UNC45A: variants seen among roughly 807,000 people sequenced by gnomAD.
UNC45A encodes unc-45 myosin chaperone A, also known as protein unc-45 homolog A.
In UNC45A, 78 loss-of-function variants were observed where a neutral mutation model predicts 103.2. That is an observed-to-expected ratio of 0.76 (90% CI 0.63 to 0.91). UNC45A has a LOEUF of 0.91. Ranked by LOEUF, UNC45A falls within the 40% of genes least tolerant of loss-of-function variation. The pLI, the probability that UNC45A is intolerant of heterozygous loss-of-function variation, is 0.00. For missense variants in UNC45A, 1,193 were observed against 1,224.8 expected, an observed-to-expected ratio of 0.97 and a Z score of 0.39; for synonymous variants, 495 against 504.6, an observed-to-expected ratio of 0.98 and a Z score of 0.25.
At chr15:90,949,574 G>A (rs1334683559) in intron 14 of UNC45A, 80 bp from the exon 15 acceptor site, 37 of 1,601,186 alleles carry the variant, frequency 2.3e-5, no homozygotes, top group Admixed American at 5.0e-5. Context: ...CGTGGCTGCC[G>A]TCTTTGCTGA....
In UNC45A at chr15:90,953,136, T is replaced by G. The variant is rs1277024169; in HGVS notation, c.2422-19T>G. On this transcript the variant is annotated intron_variant, in intron 18 of 19. Coordinates refer to ENST00000418476, the MANE Select transcript of UNC45A (RefSeq NM_018671.5). ...TTTACACCCAACTGACTTGGTCCACTCCTCACATCTGGCCACAGGTGCAGG... is the reference window on the plus strand; with the variant it reads ...TTTACACCCAACTGACTTGGTCCACGCCTCACATCTGGCCACAGGTGCAGG... 1 of 1,612,816 alleles carries G rather than the reference T, an allele frequency of 6.2e-7. No homozygotes were observed. Among genetic ancestry groups the G allele is most frequent in the Non-Finnish European group, 8.5e-7 (1 of 1,179,388 alleles).
chr15:90,939,880 G>GCACCCTTC, intron 5 of UNC45A, 57 bp downstream of exon 5: 3 of 1,536,996 alleles, frequency 2.0e-6, no homozygotes, highest in Admixed American at 1.8e-5. Context: ...CCCATCCATA[G>GCACCCTTC]GCCCCCGAAG....
upstream of UNC45A, chr15:90,932,668 TGA>T: frequency 2.0e-6 from 1 of 492,658 alleles, no homozygotes; most frequent in Non-Finnish European, 3.2e-6. Context: ...CTGCCCCAGA[TGA>T]ATTCCTCTGG....
rs772135452 is a variant in UNC45A, at chr15:90,942,617, C to G, written c.856+12C>G. On this transcript the variant is annotated intron_variant, in intron 7 of 19. Transcript: ENST00000418476. Reference sequence around the variant, plus strand: ...TGCCATCATTGTGGGTGAGTGGAAGCAGGTCTGGGGTCTTTTGGACGTTAC... The same window carrying G: ...TGCCATCATTGTGGGTGAGTGGAAGGAGGTCTGGGGTCTTTTGGACGTTAC... 1.9e-6 allele frequency: 3 copies of G among 1,614,148 alleles called. No homozygotes were observed. The Admixed American group carries it at 5.0e-5, about 27-fold the overall frequency.
intron 13 of UNC45A, 88 bp downstream of exon 13, chr15:90,948,882 T>C (rs1362240331): frequency 1.5e-6 from 2 of 1,379,028 alleles, no homozygotes; most frequent in East Asian, 5.2e-5. Context: ...TCCCTTTTTT[T>C]TTTTTTTTTT....
At position 90,949,458 on chromosome 15, in the gene UNC45A, G is replaced by A. The variant is rs372088305; in HGVS notation, c.2006+15G>A. 1.2e-6 allele frequency: 2 copies of A among 1,613,048 alleles called. No individual in the cohort carries two copies. The highest frequency in any genetic ancestry group is 1.7e-6 in the Non-Finnish European group (2 of 1,179,762). ...CTGCTCTCCAGGTGAGCCAGCCTTG[G>A]TAGGAGCCAACCTTTCCCAACTCCT... On this transcript the variant is annotated intron_variant, in intron 14 of 19. Transcript: ENST00000418476.
At position 90,943,237 on chromosome 15, in the gene UNC45A, G is replaced by C. The variant is rs1036707824; in HGVS notation, c.1027+155G>C. On this transcript the variant is annotated intron_variant, in intron 8 of 19. Transcript: ENST00000418476. ...AAGCCGGGAGTTTGAGATCAGCCTG[G>C]GCAACATAGCGAGACCCTGTCTCTA... is the stretch of plus-strand genomic sequence containing the variant. The C allele has an allele frequency of 1.3e-5, 12 of 957,546 alleles. No individual in the cohort carries two copies. In the African/African-American group the frequency reaches 1.3e-4, roughly 11 times the overall value. The allele number at this position is 957,546 out of a possible 1,614,324, so 59.3% of individuals were successfully genotyped here.
intron 14 of UNC45A, 56 bp from the exon 15 acceptor site, chr15:90,949,598 G>A: frequency 6.2e-7 from 1 of 1,610,744 alleles, no homozygotes; most frequent in African/African-American, 1.3e-5. Flanking sequence ...TAGGAGTGCA[G>A]CGTCTGCCTG....
chr15:90,953,534 G>C lies in UNC45A; in HGVS notation c.2653G>C (p.Val885Leu), dbSNP rs1465199727. Residue 885 changes from valine (V) to leucine (L), a missense_variant, in exon 20 of 20, where the codon GTG (valine) becomes CTG (leucine). Val to Leu is a conservative substitution (Grantham distance 32). Transcript: ENST00000418476. The part of the protein sequence containing the change: ...NQELQHRGAV[V>L]VLNMVEASRE... ...GGAGCTGCAGCACCGGGGTGCTGTG[G>C]TGGTGCTGAACATGGTGGAGGCCTC... 6.2e-7 allele frequency: 1 copy of C among 1,614,148 alleles called. No homozygotes were observed. Among genetic ancestry groups the C allele is most frequent in the Non-Finnish European group, 8.5e-7 (1 of 1,180,042 alleles).
chr15:90,937,004 G>C lies in UNC45A; in HGVS notation c.426+544G>C, dbSNP rs890465074. On this transcript the variant is annotated intron_variant, in intron 4 of 19. Transcript: ENST00000418476. ...CTTATATAGTTACTGAGAATAGGTAGATACACACATATTGAAATGGGAAGC... is the reference window on the plus strand; with the variant it reads ...CTTATATAGTTACTGAGAATAGGTACATACACACATATTGAAATGGGAAGC... Among the ~76,000 whole-genome samples, 8 of 152,332 alleles carry C rather than the reference G, an allele frequency of 5.3e-5. 1 individual carries two copies. The South Asian group carries it at 1.7e-3, about 32-fold the overall frequency.
chr15:90,948,808 A>AGAGG lies in UNC45A; in HGVS notation c.1878+16_1878+19dup. On this transcript the variant is annotated intron_variant, in intron 13 of 19. Coordinates refer to ENST00000418476, the MANE Select transcript of UNC45A (RefSeq NM_018671.5). ...CAGCACCCCAAGGTGAGGGGCCGCC[A>AGAGG]GAGGGGCTAGAGGGTTCCCCACCAT... The AGAGG allele has an allele frequency of 6.3e-7, 1 of 1,578,696 alleles. No homozygotes were observed. The highest frequency in any genetic ancestry group is 1.1e-5 in the South Asian group (1 of 88,338).
At chr15:90,931,073 T>G, upstream of UNC45A, 1 of 582,854 alleles carries the variant, frequency 1.7e-6, no homozygotes, top group Non-Finnish European at 3.0e-6. Flanking sequence ...CAGAAATGGA[T>G]GGGTACATCT....
rs757528571 is a variant in UNC45A at position 90,944,965 on chromosome 15, C to G, written c.1101C>G (p.Ser367Arg). ...PPGELAVTAN[S>R]RMSASILLSK... Reference sequence around the variant, plus strand: ...GGGAGCTCGCAGTGACCGCAAACAGCCGCATGAGCGCCTCTATTCTCCTCA... The same window carrying G: ...GGGAGCTCGCAGTGACCGCAAACAGGCGCATGAGCGCCTCTATTCTCCTCA... Residue 367 changes from serine to arginine, a missense_variant, in exon 9 of 20, where the codon AGC becomes AGG. Ser to Arg is a moderately radical substitution (Grantham distance 110, BLOSUM62 -1). Transcript: ENST00000418476. 6.2e-7 allele frequency: 1 copy of G among 1,612,750 alleles called. No individual in the cohort carries two copies. The highest frequency in any genetic ancestry group is 2.2e-5 in the East Asian group (1 of 44,880).
intron 6 of UNC45A, chr15:90,940,699 G>A (rs2036249687): frequency 5.7e-6 from 2 of 349,156 alleles, no homozygotes; most frequent in Admixed American, 9.3e-5. Flanking sequence ...GATCACTTGA[G>A]GTCAGGAGTT....
Position 90,948,233 on chromosome 15 carries a change from G to C in UNC45A, c.1687G>C (p.Glu563Gln). The C allele has an allele frequency of 6.2e-7, 1 of 1,614,156 alleles. No individual in the cohort carries two copies. The highest frequency in any genetic ancestry group is 8.5e-7 in the Non-Finnish European group (1 of 1,180,042). The change falls in exon 12 of 20, where the codon GAG becomes CAG. Residue 563 changes from glutamate (E) to glutamine (Q), a missense_variant. Physicochemically the swap from Glu to Gln is conservative, Grantham distance 29. Transcript: ENST00000418476. ...YLTFDADVKE[E>Q]FVEDAAALKA... Reference sequence around the variant, plus strand: ...GACCTTTGATGCCGACGTGAAGGAAGAGTTTGTGGAGGATGCGGCTGCTCT... The same window carrying C: ...GACCTTTGATGCCGACGTGAAGGAACAGTTTGTGGAGGATGCGGCTGCTCT...
upstream of UNC45A, chr15:90,932,105 C>A (rs1596201103): frequency 3.8e-6 from 6 of 1,594,144 alleles, no homozygotes; most frequent in East Asian, 1.1e-4. Context: ...AGGATCCGTG[C>A]CACACCTGAC....
intron 12 of UNC45A, 180 bp downstream of exon 12, chr15:90,948,463 G>A (rs2036696538): frequency 3.2e-6 from 4 of 1,266,774 alleles, no homozygotes; most frequent in South Asian, 1.5e-5. Context: ...TAGCAAGGAC[G>A]TTCTTCTTGG....
rs8041417 is a variant in UNC45A, at chr15:90,953,239, C to T, written c.2506C>T (p.Arg836Trp). 549 of 1,613,680 alleles carry T rather than the reference C, an allele frequency of 3.4e-4. 3 individuals carry two copies. The African/African-American group carries it at 6.0e-3, about 18-fold the overall frequency. ...YSGEDDELLQ[R>W]AAAGGLAMLT... ...TGGAGAGGATGATGAGCTGCTACAGCGGGCAGCTGCCGGGGGCTTGGCCAT... is the reference window on the plus strand; with the variant it reads ...TGGAGAGGATGATGAGCTGCTACAGTGGGCAGCTGCCGGGGGCTTGGCCAT... The change falls in exon 19 of 20, where the codon CGG becomes TGG. Residue 836 changes from arginine to tryptophan, a missense_variant. By Grantham distance (101) the Arg-to-Trp change is moderately radical. Coordinates refer to ENST00000418476, the MANE Select transcript of UNC45A (RefSeq NM_018671.5).
chr15:90,934,426 A>C (rs2035909350), upstream of UNC45A: 1 of 398,892 alleles, frequency 2.5e-6, no homozygotes, highest in Non-Finnish European at 4.4e-6. Context: ...CGTCTGTCTG[A>C]TTCTCCAGAG....
Sources: gnomAD v4.1 joint callset for allele counts (sites outside exome capture counted in the v4.1 genomes callset) on GRCh38, gnomAD v4.1.1 for gene constraint, MANE v1.5 for transcripts, NCBI Gene and HGNC (gene_info 2026-07-23, HGNC 2026-07-21) for gene names.